UBR2: variants seen among roughly 807,000 people sequenced by gnomAD.
UBR2 encodes the protein E3 ubiquitin-protein ligase UBR2.
Under a neutral mutation model 247.9 loss-of-function variants are expected in UBR2, and 92 were observed. The ratio of observed to expected loss-of-function variants is 0.37; its 90% CI spans 0.31 to 0.44. UBR2 has a LOEUF of 0.44. Ranked by LOEUF, UBR2 falls within the 20% of genes least tolerant of loss-of-function variation. The pLI is 1.00. For synonymous variants in UBR2, 672 were observed against 693.5 expected (o/e 0.97, Z 0.49); for missense variants, 1,613 against 2,112.6 (o/e 0.76, Z 4.64).
At chr6:42,613,727 A>AAT (rs1794238077) in intron 8 of UBR2, among the ~76,000 whole-genome samples, 2 of 152,142 alleles carry the variant, frequency 1.3e-5, no homozygotes, top group African/African-American at 4.8e-5. Flanking sequence ...TCTTTGAGAT[A>AAT]TTAATCATTA....
chr6:42,613,172 CCT>C (rs905783015), intron 8 of UBR2, among the ~76,000 whole-genome samples: 9 of 151,942 alleles, frequency 5.9e-5, no homozygotes, highest in African/African-American at 2.2e-4. Flanking sequence ...AATTAAGAAT[CCT>C]CACATCTGCA....
intron 1 of UBR2, among the ~76,000 whole-genome samples, chr6:42,569,700 A>G (rs890936259): frequency 1.3e-5 from 2 of 152,208 alleles, no homozygotes; most frequent in Non-Finnish European, 2.9e-5. Context: ...TACAATTTTA[A>G]TTGGGTATAG....
At position 42,644,235 on chromosome 6, in the gene UBR2, C is replaced by G. The variant is rs1796611845; in HGVS notation, c.2119C>G (p.Pro707Ala). The G allele has an allele frequency of 1.2e-6, 2 of 1,610,580 alleles. No homozygotes were observed. The highest frequency in any genetic ancestry group is 1.7e-6 in the Non-Finnish European group (2 of 1,179,318). ...MLQTGVSMMD[P>A]NHFLMIMLSR... Reference sequence around the variant, plus strand: ...AAAGACAGGTGTCTCCATGATGGATCCAAATCATTTCCTGATGATCATGCT... The same window carrying G: ...AAAGACAGGTGTCTCCATGATGGATGCAAATCATTTCCTGATGATCATGCT... Residue 707 changes from proline to alanine, a missense_variant, in exon 19 of 47, where the codon CCA becomes GCA. Coordinates refer to ENST00000372901, the MANE Select transcript of UBR2 (RefSeq NM_001363705.2).
intron 1 of UBR2, among the ~76,000 whole-genome samples, chr6:42,565,521 TA>T (rs745821256): frequency 1.3e-5 from 2 of 152,160 alleles, no homozygotes; most frequent in African/African-American, 2.4e-5. Context: ...AATACGTTGT[TA>T]AATGCTGAAT....
chr6:42,605,647 A>G, intron 5 of UBR2, 74 bp from the exon 6 acceptor site: 2 of 1,395,598 alleles, frequency 1.4e-6, no homozygotes, highest in South Asian at 2.8e-5. Flanking sequence ...AGGACAAAGT[A>G]GTCTCTTAAT....
intron 7 of UBR2, 56 bp from the exon 8 acceptor site, chr6:42,612,115 C>A: frequency 7.0e-7 from 1 of 1,426,910 alleles, no homozygotes; most frequent in Non-Finnish European, 9.4e-7. Context: ...TAACTTTGTT[C>A]TGCCAATAGA....
chr6:42,617,902 A>G (rs940815119), intron 11 of UBR2, among the ~76,000 whole-genome samples: 2 of 152,186 alleles, frequency 1.3e-5, no homozygotes, highest in East Asian at 1.9e-4. Context: ...CCTCCCTCCC[A>G]AAAGGGGAGA....
At chr6:42,614,231 C>T (rs1470786896) in intron 8 of UBR2, among the ~76,000 whole-genome samples, 47 of 94,936 alleles carry the variant, frequency 5.0e-4, no homozygotes, top group African/African-American at 1.6e-3. Flanking sequence ...CACACACACA[C>T]ACACACACAC....
intron 8 of UBR2, among the ~76,000 whole-genome samples, chr6:42,613,118 A>C (rs554400112): frequency 6.6e-6 from 1 of 152,212 alleles, no homozygotes; most frequent in Admixed American, 6.5e-5. Flanking sequence ...AAAAAATTCC[A>C]GAGTCTAGAA....
chr6:42,668,775 A>G (rs1003977900), intron 34 of UBR2, among the ~76,000 whole-genome samples: 21 of 151,720 alleles, frequency 1.4e-4, no homozygotes, highest in Admixed American at 1.3e-3. Context: ...GACAGGTTCT[A>G]TGTTGTCCAG....
chr6:42,659,865 A>C lies in UBR2; in HGVS notation c.3442+10A>C, dbSNP rs376429158. The C allele has an allele frequency of 2.1e-5, 34 of 1,612,608 alleles. No individual in the cohort carries two copies. In the East Asian group the frequency reaches 3.1e-4, roughly 15 times the overall value. ...TTTATTCAAGATCCAGGTAAGTCAT[A>C]GCTAGATCCTCATCTTCCCTTTTAA... On this transcript the variant is annotated intron_variant, in intron 30 of 46. Transcript: ENST00000372901. This position sits in a 1 kb window ranked among gnomAD's most constrained non-coding sequence, Gnocchi z 4.3.
At chr6:42,664,306 TAAG>T (rs1403805378) in intron 32 of UBR2, 5 of 152,256 alleles carry the variant, frequency 3.3e-5, no homozygotes, top group African/African-American at 4.8e-5. Context: ...TAAAAAAAAA[TAAG>T]AAAAGAAAAT....
intron 26 of UBR2, among the ~76,000 whole-genome samples, chr6:42,656,256 T>G (rs1440111935): frequency 6.6e-6 from 1 of 152,272 alleles, no homozygotes. Flanking sequence ...GAACCAGCCA[T>G]TGGTCTGATA....
chr6:42,642,035 CT>C (rs1185536770), intron 17 of UBR2, among the ~76,000 whole-genome samples: 3 of 151,840 alleles, frequency 2.0e-5, no homozygotes, highest in Non-Finnish European at 2.9e-5. Context: ...TGAGGTTTTA[CT>C]TTTTATAGAC....
At position 42,648,151 on chromosome 6, in the gene UBR2, G is replaced by A. The variant is rs578045798; in HGVS notation, c.2443G>A (p.Glu815Lys). The A allele has an allele frequency of 2.0e-5, 33 of 1,613,958 alleles. No individual in the cohort carries two copies. The highest frequency in any genetic ancestry group is 1.1e-4 in the East Asian group (5 of 44,862). Residue 815 changes from glutamate to lysine, a missense_variant, in exon 22 of 47, where the codon GAA becomes AAA. Coordinates refer to ENST00000372901, the MANE Select transcript of UBR2 (RefSeq NM_001363705.2). ...GGAGACTGGCATGGAGAGTGTAATC[G>A]AAGCAGTTGCCCATTTCAAGTGAGT... ...NKETGMESVI[E>K]AVAHFKKPGL...
intron 13 of UBR2, among the ~76,000 whole-genome samples, chr6:42,633,707 TTTTTGTTTGTTTTTTG>T (rs1425551292): frequency 7.1e-6 from 1 of 141,332 alleles, no homozygotes; most frequent in African/African-American, 2.6e-5. Context: ...TGGGGTTGTT[TTTTTGTTTGTTTTTTG>T]TTTTGTTTTG....
At chr6:42,569,174 G>A (rs1254896452) in intron 1 of UBR2, among the ~76,000 whole-genome samples, 1 of 152,074 alleles carries the variant, frequency 6.6e-6, no homozygotes, top group Non-Finnish European at 1.5e-5. Flanking sequence ...TGTTTCTCTT[G>A]GGTATATACA....
chr6:42,658,176 A>C (rs1371847116), intron 27 of UBR2, 43 bp downstream of exon 27: 3 of 1,611,338 alleles, frequency 1.9e-6, no homozygotes, highest in Non-Finnish European at 2.5e-6. Context: ...GAAATATTGA[A>C]TATTTGTTAT....
chr6:42,570,777 G>A (rs923732880), intron 1 of UBR2, among the ~76,000 whole-genome samples: 3 of 151,608 alleles, frequency 2.0e-5, no homozygotes, highest in African/African-American at 7.3e-5. Flanking sequence ...TCAACCTCCG[G>A]GGCTCAGGTG....
Sources: gnomAD v4.1 joint callset for allele counts (sites outside exome capture counted in the v4.1 genomes callset) on GRCh38, gnomAD v4.1.1 for gene constraint, Gnocchi (gnomAD v3.1) non-coding constraint, MANE v1.5 for transcripts, NCBI Gene and HGNC (gene_info 2026-07-23, HGNC 2026-07-21) for gene names.